LEKR1: variants seen among roughly 807,000 people sequenced by gnomAD.
LEKR1 encodes the protein protein LEKR1.
Under a neutral mutation model 72.4 loss-of-function variants are expected in LEKR1, and 59 were observed. The observed-to-expected ratio is 0.82, with a 90% CI of 0.66 to 1.01. The LOEUF (loss-of-function observed/expected upper bound fraction) is 1.01, where lower values mean the gene tolerates loss of function less well. Ranked by LOEUF, LEKR1 falls within the 50% of genes least tolerant of loss-of-function variation. The probability of loss-of-function intolerance (pLI) is 0.00; values close to 1 mark genes in which losing one functional copy is unlikely to be tolerated. For missense variants in LEKR1, 728 were observed against 759.2 expected, an observed-to-expected ratio of 0.96 and a Z score of 0.48; for synonymous variants, 257 against 263.2, an observed-to-expected ratio of 0.98 and a Z score of 0.23.
rs1382899348 is a variant in LEKR1, at chr3:156,914,276, CTACGTTAGGT to C, written c.264-6298_264-6289del. Among the ~76,000 whole-genome samples, 466 of 152,242 alleles carry C rather than the reference CTACGTTAGGT, an allele frequency of 3.1e-3. 1 individual carries two copies. Among genetic ancestry groups the C allele is most frequent in the African/African-American group, 0.011 (441 of 41,554 alleles). ...TTTGCTGCACCCATCAACCCATTAT[CTACGTTAGGT>C]ATTTCTCCTAATGCTATCCCTCCTC... On this transcript the variant is annotated intron_variant, in intron 3 of 12. Coordinates refer to ENST00000356539, the MANE Select transcript of LEKR1 (RefSeq NM_001004316.3).
intron 2 of LEKR1, among the ~76,000 whole-genome samples, chr3:156,833,726 T>A (rs115478655): frequency 0.014 from 2,135 of 152,234 alleles, 25 homozygotes; most frequent in Non-Finnish European, 0.022. Context: ...GAACTTGAAA[T>A]TTTGATTTTG....
chr3:157,045,271 T>C (rs998483795), intron 12 of LEKR1, 69 bp from the exon 13 acceptor site: 2 of 1,294,128 alleles, frequency 1.5e-6, no homozygotes, highest in Middle Eastern at 1.9e-4. Flanking sequence ...AATTGTATTG[T>C]CCGTAACTAT....
At chr3:156,950,247 G>A (rs1277658591) in intron 6 of LEKR1, among the ~76,000 whole-genome samples, 4 of 151,482 alleles carry the variant, frequency 2.6e-5, no homozygotes, top group African/African-American at 4.8e-5. Flanking sequence ...CAGCCTGGTA[G>A]TATAGTTTGA....
intron 6 of LEKR1, among the ~76,000 whole-genome samples, chr3:156,943,829 T>C (rs990309559): frequency 2.0e-5 from 3 of 151,896 alleles, no homozygotes; most frequent in Non-Finnish European, 2.9e-5. Context: ...AGTCATCATA[T>C]TAACTTTATA....
At chr3:156,887,699 G>T (rs895907938) in intron 3 of LEKR1, among the ~76,000 whole-genome samples, 1 of 151,964 alleles carries the variant, frequency 6.6e-6, no homozygotes, top group African/African-American at 2.4e-5. Context: ...ATCTAATTTA[G>T]AATCATTTTT....
intron 9 of LEKR1, among the ~76,000 whole-genome samples, chr3:157,007,836 G>T (rs1001261935): frequency 2.2e-4 from 34 of 152,314 alleles, no homozygotes; most frequent in African/African-American, 7.9e-4. Context: ...GCATATACAT[G>T]TTAAACTTAA....
intron 6 of LEKR1, among the ~76,000 whole-genome samples, chr3:156,966,544 C>T (rs1576912808): frequency 6.6e-6 from 1 of 152,178 alleles, no homozygotes; most frequent in East Asian, 1.9e-4. Context: ...GCACAGCAGT[C>T]TGAGATCAAA....
chr3:156,982,733 C>G lies in LEKR1; in HGVS notation c.827+3458C>G, dbSNP rs922312147. Among the ~76,000 whole-genome samples the G allele has an allele frequency of 2.4e-4, 36 of 152,098 alleles. 1 individual carries two copies. The highest frequency in any genetic ancestry group is 2.4e-4 in the Non-Finnish European group (16 of 68,000). On this transcript the variant is annotated intron_variant, in intron 7 of 12. Transcript: ENST00000356539. ...ATATCTAGATTAATTAAGGGAACAC[C>G]TCCCTGAAATAATGAAAAATATGAA...
rs938992569 is a variant in LEKR1, at chr3:156,830,685, C to G, written c.48+1308C>G. ...GACTCTAATATGATTCAAGAAAAAA[C>G]AAAGTCATTCCACAGAGTGAGCAGA... On this transcript the variant is annotated intron_variant, in intron 2 of 12. Transcript: ENST00000356539. 2.0e-5 allele frequency among the ~76,000 whole-genome samples: 3 copies of G among 151,854 alleles called. No homozygotes were observed. The East Asian group carries it at 5.8e-4, about 29-fold the overall frequency.
At chr3:156,987,933 T>C (rs545558937) in intron 7 of LEKR1, among the ~76,000 whole-genome samples, 1 of 152,372 alleles carries the variant, frequency 6.6e-6, no homozygotes, top group Admixed American at 6.5e-5. Flanking sequence ...CTGGGAGATC[T>C]ACTGAGTAAT....
chr3:156,972,702 A>G (rs1729335044), intron 6 of LEKR1, among the ~76,000 whole-genome samples: 1 of 150,422 alleles, frequency 6.6e-6, no homozygotes, highest in Non-Finnish European at 1.5e-5. Context: ...AGATAAAATA[A>G]TATTATATTT....
intron 3 of LEKR1, among the ~76,000 whole-genome samples, chr3:156,865,808 T>A (rs1219118710): frequency 1.3e-5 from 2 of 151,980 alleles, no homozygotes; most frequent in African/African-American, 2.4e-5. Flanking sequence ...ACCTTACACG[T>A]TTTTTCCTGT....
At chr3:157,005,939 C>T (rs1198053999) in intron 9 of LEKR1, among the ~76,000 whole-genome samples, 2 of 151,758 alleles carry the variant, frequency 1.3e-5, no homozygotes, top group African/African-American at 4.8e-5. Context: ...TAAAGTGATG[C>T]TCAATATCAT....
intron 6 of LEKR1, among the ~76,000 whole-genome samples, chr3:156,944,003 ATAT>A (rs1726462880): frequency 1.3e-5 from 2 of 151,746 alleles, no homozygotes; most frequent in African/African-American, 2.4e-5. Context: ...TACAGTATAA[ATAT>A]TATATTCTAC....
intron 6 of LEKR1, among the ~76,000 whole-genome samples, chr3:156,944,837 C>T (rs1012432782): frequency 6.6e-6 from 1 of 151,630 alleles, no homozygotes; most frequent in African/African-American, 2.4e-5. Context: ...ATTTGGGTTA[C>T]TTCCAAATCT....
chr3:156,989,031 C>G (rs1560129835), intron 7 of LEKR1, among the ~76,000 whole-genome samples: 1 of 152,098 alleles, frequency 6.6e-6, no homozygotes, highest in African/African-American at 2.4e-5. Context: ...CAGGGTTTCA[C>G]TATGTTGGCC....
At chr3:156,991,317 T>C (rs148421862) in intron 7 of LEKR1, among the ~76,000 whole-genome samples, 82 of 152,154 alleles carry the variant, frequency 5.4e-4, no homozygotes, top group Non-Finnish European at 8.7e-4. Context: ...ATTCATTATA[T>C]TATATAATTG....
intron 7 of LEKR1, among the ~76,000 whole-genome samples, chr3:156,982,855 G>GTATAGA (rs1553820693): frequency 7.1e-6 from 1 of 139,998 alleles, no homozygotes; most frequent in Non-Finnish European, 1.5e-5. Flanking sequence ...GTGTGTGTGT[G>GTATAGA]TAGATAGATA....
chr3:156,865,348 C>T (rs534077399), intron 3 of LEKR1, among the ~76,000 whole-genome samples: 9 of 152,024 alleles, frequency 5.9e-5, no homozygotes, highest in African/African-American at 2.2e-4. Context: ...ACTAATACTA[C>T]CTTTGTCATG....
Sources: gnomAD v4.1 joint callset for allele counts (sites outside exome capture counted in the v4.1 genomes callset) on GRCh38, gnomAD v4.1.1 for gene constraint, MANE v1.5 for transcripts, NCBI Gene and HGNC (gene_info 2026-07-23, HGNC 2026-07-21) for gene names.